CHST11: variants seen among roughly 807,000 people sequenced by gnomAD.
The protein encoded by CHST11 is carbohydrate sulfotransferase 11.
In CHST11, 9 loss-of-function variants were observed where a neutral mutation model predicts 30.4. The observed-to-expected ratio is 0.30, with a 90% confidence interval of 0.18 to 0.52. The LOEUF (loss-of-function observed/expected upper bound fraction) is 0.52. Among genes scored for constraint, CHST11 ranks in the 20% least tolerant of loss-of-function variants. CHST11 has a pLI of 0.97. For synonymous variants in CHST11, 152 were observed against 187.8 expected (o/e 0.81, Z 1.56); for missense variants, 348 against 460.6 (o/e 0.76, Z 2.24).
chr12:104,592,657 G>C (rs1401114065), intron 1 of CHST11, among the ~76,000 whole-genome samples: 1 of 152,194 alleles, frequency 6.6e-6, no homozygotes, highest in Non-Finnish European at 1.5e-5. Context: ...GTCAGAATCA[G>C]TTTTGAGGAT....
At chr12:104,670,334 C>T (rs780673683) in intron 2 of CHST11, among the ~76,000 whole-genome samples, 51 of 152,194 alleles carry the variant, frequency 3.4e-4, no homozygotes, top group Non-Finnish European at 6.3e-4. Flanking sequence ...TGCCTCTGCA[C>T]GGCACCCAGG....
chr12:104,521,499 C>CA (rs1370158067), intron 1 of CHST11, among the ~76,000 whole-genome samples: 2 of 152,102 alleles, frequency 1.3e-5, no homozygotes, highest in East Asian at 3.8e-4. Context: ...AACTCGGGCC[C>CA]AAAGTGAAAT....
intron 2 of CHST11, among the ~76,000 whole-genome samples, chr12:104,624,293 A>C (rs1483869542): frequency 6.6e-6 from 1 of 152,196 alleles, no homozygotes; most frequent in Non-Finnish European, 1.5e-5. Flanking sequence ...AATGGGTATT[A>C]AATGATTGTC....
At position 104,579,030 on chromosome 12, in the gene CHST11, G is replaced by A. The variant is rs372771628; in HGVS notation, c.119-22876G>A. Among the ~76,000 whole-genome samples the A allele has an allele frequency of 3.0e-4, 45 of 152,342 alleles. 2 individuals are homozygous for A. The highest frequency in any genetic ancestry group is 3.4e-3 in the Middle Eastern group (1 of 294). On this transcript the variant is annotated intron_variant, in intron 1 of 2. Transcript: ENST00000303694. ...AACTTGATGCTGTCTTTGACCAGAA[G>A]AAGCCATGAGAAGGTGCCCAGGTAC...
chr12:104,544,908 C>T (rs1041230930), intron 1 of CHST11, among the ~76,000 whole-genome samples: 4 of 151,996 alleles, frequency 2.6e-5, no homozygotes, highest in African/African-American at 9.7e-5. Flanking sequence ...GCAATTATGT[C>T]GTTTCGAAGT....
chr12:104,748,161 G>A (rs1405487876), intron 2 of CHST11, among the ~76,000 whole-genome samples: 1 of 152,164 alleles, frequency 6.6e-6, no homozygotes, highest in African/African-American at 2.4e-5. Flanking sequence ...TGGAGGCTGG[G>A]GCTGGGGGTG....
chr12:104,680,246 T>C (rs967416190), intron 2 of CHST11, among the ~76,000 whole-genome samples: 6 of 152,254 alleles, frequency 3.9e-5, no homozygotes, highest in Non-Finnish European at 7.3e-5. Flanking sequence ...CAGTGGGTGT[T>C]GCTCTTAAGC....
intron 1 of CHST11, among the ~76,000 whole-genome samples, chr12:104,497,608 A>G (rs553195585): frequency 6.6e-6 from 1 of 152,172 alleles, no homozygotes; most frequent in African/African-American, 2.4e-5. Flanking sequence ...TTTTCTCTAC[A>G]CTGTTTCCTT....
intron 1 of CHST11, among the ~76,000 whole-genome samples, chr12:104,539,884 G>C (rs544074310): frequency 2.4e-4 from 36 of 152,074 alleles, no homozygotes; most frequent in Non-Finnish European, 4.9e-4. Context: ...GTGTTGCCCA[G>C]GCTGGTCTCG....
At chr12:104,639,605 G>A (rs2039356577) in intron 2 of CHST11, among the ~76,000 whole-genome samples, 1 of 152,302 alleles carries the variant, frequency 6.6e-6, no homozygotes, top group South Asian at 2.1e-4. Context: ...TGAGGCATGG[G>A]GAAAGGCGAT....
At chr12:104,704,207 T>C (rs2136115270) in intron 2 of CHST11, among the ~76,000 whole-genome samples, 1 of 152,258 alleles carries the variant, frequency 6.6e-6, no homozygotes, top group East Asian at 1.9e-4. Flanking sequence ...GGAAGCAAAC[T>C]CCTTCCACCC....
intron 2 of CHST11, among the ~76,000 whole-genome samples, chr12:104,673,169 TA>T (rs938655636): frequency 9.3e-4 from 142 of 152,276 alleles, no homozygotes; most frequent in African/African-American, 3.2e-3. Flanking sequence ...CATTAATATT[TA>T]GGGCCTACCC....
intron 2 of CHST11, among the ~76,000 whole-genome samples, chr12:104,637,148 C>A (rs900461548): frequency 9.3e-5 from 14 of 150,928 alleles, no homozygotes; most frequent in East Asian, 3.9e-4. Flanking sequence ...ACTAAAAATA[C>A]AAAAAAATGA....
At chr12:104,627,568 G>C (rs957094358) in intron 2 of CHST11, among the ~76,000 whole-genome samples, 1 of 152,172 alleles carries the variant, frequency 6.6e-6, no homozygotes, top group African/African-American at 2.4e-5. Context: ...CAGGTTCAGA[G>C]CCCCCAGCAA....
chr12:104,488,099 A>G (rs540767607), intron 1 of CHST11, among the ~76,000 whole-genome samples: 1 of 152,016 alleles, frequency 6.6e-6, no homozygotes, highest in African/African-American at 2.4e-5. Context: ...CTTTTCAAAA[A>G]CAAACATTAT....
chr12:104,649,308 C>T (rs749301168), intron 2 of CHST11, among the ~76,000 whole-genome samples: 39 of 152,166 alleles, frequency 2.6e-4, no homozygotes, highest in Non-Finnish European at 5.1e-4. Context: ...ATCTTAACAG[C>T]AATATTAGCT....
At chr12:104,645,507 C>T (rs2039418868) in intron 2 of CHST11, among the ~76,000 whole-genome samples, 1 of 152,148 alleles carries the variant, frequency 6.6e-6, no homozygotes, top group Admixed American at 6.5e-5. Context: ...GGAAAAGCAA[C>T]CTGCAGGTGG....
At chr12:104,657,720 G>A (rs1374479887) in intron 2 of CHST11, among the ~76,000 whole-genome samples, 1 of 152,130 alleles carries the variant, frequency 6.6e-6, no homozygotes, top group African/African-American at 2.4e-5. Context: ...GGTGATGGTG[G>A]CGCTGGCTAC....
chr12:104,657,712 T>C (rs1042429365), intron 2 of CHST11, among the ~76,000 whole-genome samples: 19 of 152,144 alleles, frequency 1.2e-4, no homozygotes, highest in Non-Finnish European at 1.0e-4. Flanking sequence ...AATACCCAGG[T>C]GATGGTGGCG....
Sources: allele counts gnomAD v4.1 joint callset (sites outside exome capture counted in the v4.1 genomes callset), GRCh38; gene constraint gnomAD v4.1.1; transcripts MANE v1.5; gene names NCBI Gene and HGNC (gene_info 2026-07-23, HGNC 2026-07-21).